Variants in CSMD1 observed in about 807,000 individuals in gnomAD.
CSMD1 encodes CUB and Sushi multiple domains 1.
CSMD1 carries 213 observed loss-of-function variants against 417.5 expected under a neutral mutation model. The ratio of observed to expected loss-of-function variants is 0.51; its 90% CI spans 0.46 to 0.57. CSMD1 has a LOEUF of 0.57. CSMD1 is among the 20% of genes least tolerant of loss of function. CSMD1 has a pLI of 0.00. For missense variants in CSMD1, 6,923 were observed against 4,529.7 expected (o/e 1.53, Z -15.17); for synonymous variants, 2,862 against 1,736.8 (o/e 1.65, Z -16.11).
intron 11 of CSMD1, among the ~76,000 whole-genome samples, chr8:3,491,804 C>G (rs749912270): frequency 2.0e-5 from 3 of 152,186 alleles, no homozygotes; most frequent in Admixed American, 6.5e-5. Context: ...GGCAAGATTC[C>G]TCACAAATGA....
chr8:4,031,042 G>A (rs774883297), intron 4 of CSMD1, among the ~76,000 whole-genome samples: 44 of 152,062 alleles, frequency 2.9e-4, no homozygotes, highest in African/African-American at 9.9e-4. Context: ...CATATCATCA[G>A]CACTTTGGTC....
intron 3 of CSMD1, among the ~76,000 whole-genome samples, chr8:4,194,991 T>C (rs1052791195): frequency 3.3e-5 from 5 of 151,854 alleles, no homozygotes; most frequent in Non-Finnish European, 7.3e-5. Flanking sequence ...TTCTTTCATC[T>C]GGGAATTTTC....
intron 30 of CSMD1, among the ~76,000 whole-genome samples, chr8:3,210,222 G>C (rs1398008465): frequency 2.0e-5 from 3 of 152,132 alleles, no homozygotes; most frequent in Non-Finnish European, 4.4e-5. Context: ...TGCACTACAG[G>C]AGAGACCATC....
chr8:4,881,156 T>C (rs528293538), intron 1 of CSMD1, among the ~76,000 whole-genome samples: 1 of 152,088 alleles, frequency 6.6e-6, no homozygotes, highest in Non-Finnish European at 1.5e-5. Flanking sequence ...ATATTTCACT[T>C]TGAGTTTCTA....
At chr8:3,265,901 G>A (rs566450411) in intron 26 of CSMD1, among the ~76,000 whole-genome samples, 2 of 152,074 alleles carry the variant, frequency 1.3e-5, no homozygotes, top group Middle Eastern at 3.4e-3. Context: ...CATCTCCTTG[G>A]AGGCCACAAG....
At chr8:3,851,679 A>G (rs1267431039) in intron 5 of CSMD1, among the ~76,000 whole-genome samples, 2 of 152,230 alleles carry the variant, frequency 1.3e-5, no homozygotes, top group Non-Finnish European at 2.9e-5. Context: ...GAAAAGGGTG[A>G]ATAGCAGAAG....
At chr8:3,047,180 C>T (rs1343890635) in intron 50 of CSMD1, among the ~76,000 whole-genome samples, 1 of 135,926 alleles carries the variant, frequency 7.4e-6, no homozygotes, top group Non-Finnish European at 1.5e-5. Context: ...CACCACTGCA[C>T]TTCAGCCCAG....
chr8:4,751,043 G>C (rs1563290212), intron 1 of CSMD1, among the ~76,000 whole-genome samples: 1 of 152,158 alleles, frequency 6.6e-6, no homozygotes, highest in African/African-American at 2.4e-5. Flanking sequence ...AATCTTTCAG[G>C]AGGTTCCTCA....
At chr8:3,012,531 C>G (rs1195626971) in intron 52 of CSMD1, among the ~76,000 whole-genome samples, 1 of 151,940 alleles carries the variant, frequency 6.6e-6, no homozygotes, top group Non-Finnish European at 1.5e-5. Flanking sequence ...CTAGTAGCCC[C>G]AAAAATAAAC....
At chr8:4,411,989 GGTGTGTGTGT>G (rs60793651) in intron 3 of CSMD1, among the ~76,000 whole-genome samples, 4,335 of 149,030 alleles carry the variant, frequency 0.029, 103 homozygotes, top group African/African-American at 0.069. Flanking sequence ...CATAGCTAAG[GGTGTGTGTGT>G]GTGTGTGTGT....
chr8:3,874,647 G>C (rs890675570), intron 5 of CSMD1, among the ~76,000 whole-genome samples: 18 of 152,110 alleles, frequency 1.2e-4, no homozygotes, highest in Non-Finnish European at 1.8e-4. Flanking sequence ...GTTTCCAAAA[G>C]AAGCTGCCAT....
Position 3,088,167 on chromosome 8 carries a change from A to G in CSMD1, c.7286-882T>C, listed in dbSNP as rs1275857890. Among the ~76,000 whole-genome samples the G allele has an allele frequency of 4.6e-5, 7 of 152,330 alleles. No individual in the cohort carries two copies. The East Asian group carries it at 9.7e-4, about 21-fold the overall frequency. On this transcript the variant is annotated intron_variant, in intron 48 of 69. Transcript: ENST00000635120. ...ACTAGAGATGGGCATTTGTTAAAAT[A>G]ATAATTTTACCCACACAGAATGTCA...
chr8:4,787,664 G>A (rs893844199), intron 1 of CSMD1: 12 of 1,587,926 alleles, frequency 7.6e-6, no homozygotes, highest in Admixed American at 1.7e-5. Context: ...TGTCAAGGAA[G>A]GATATAAGTT....
At chr8:4,511,805 A>T (rs551466177) in intron 2 of CSMD1, among the ~76,000 whole-genome samples, 9 of 152,138 alleles carry the variant, frequency 5.9e-5, no homozygotes, top group African/African-American at 1.9e-4. Context: ...TCAGGGGTCT[A>T]CACATTATGA....
chr8:3,843,734 G>A (rs1486586184), intron 5 of CSMD1, among the ~76,000 whole-genome samples: 1 of 152,140 alleles, frequency 6.6e-6, no homozygotes, highest in Non-Finnish European at 1.5e-5. Context: ...GGAGGTGGCT[G>A]GTCTTCGGGA....
chr8:3,788,944 T>G (rs931250296), intron 5 of CSMD1, among the ~76,000 whole-genome samples: 1 of 152,152 alleles, frequency 6.6e-6, no homozygotes, highest in African/African-American at 2.4e-5. Context: ...TCCTAGACAG[T>G]ATTGTAGAAT....
At chr8:2,993,839 G>T (rs981149379) in intron 54 of CSMD1, among the ~76,000 whole-genome samples, 2 of 151,972 alleles carry the variant, frequency 1.3e-5, no homozygotes, top group Non-Finnish European at 2.9e-5. Context: ...AAGCAGACAA[G>T]GCTCGTGATG....
chr8:4,186,919 C>T (rs1798712270), intron 3 of CSMD1, among the ~76,000 whole-genome samples: 1 of 151,924 alleles, frequency 6.6e-6, no homozygotes, highest in Non-Finnish European at 1.5e-5. Context: ...TCACCTGAAC[C>T]CACGAGGCAG....
intron 1 of CSMD1, among the ~76,000 whole-genome samples, chr8:4,957,609 GA>G (rs1187752194): frequency 2.0e-5 from 3 of 152,042 alleles, no homozygotes; most frequent in Admixed American, 6.5e-5. Flanking sequence ...TCATATGAAA[GA>G]AAAAAATGCA....
Sources: gnomAD v4.1 joint callset for allele counts (sites outside exome capture counted in the v4.1 genomes callset) on GRCh38, gnomAD v4.1.1 for gene constraint, MANE v1.5 for transcripts, NCBI Gene and HGNC (gene_info 2026-07-23, HGNC 2026-07-21) for gene names.